ZNF492: variants seen among roughly 807,000 people sequenced by gnomAD.
The protein encoded by ZNF492 is zinc finger protein 492, also known as zinc finger protein 115 (Y20).
Under a neutral mutation model 6.4 loss-of-function variants are expected in ZNF492, and 3 were observed. The observed-to-expected ratio is 0.47, with a 90% confidence interval of 0.21 to 1.22. ZNF492 has a LOEUF of 1.22. Ranked by LOEUF, ZNF492 falls within the 50% of genes most tolerant of loss-of-function variation. The pLI, the probability that ZNF492 is intolerant of heterozygous loss-of-function variation, is 0.22. For missense variants in ZNF492, 356 were observed against 612.5 expected (o/e 0.58, Z 4.42); for synonymous variants, 112 against 205.3 (o/e 0.55, Z 3.89).
At chr19:22,636,640 TA>T (rs757336648) in intron 1 of ZNF492, among the ~76,000 whole-genome samples, 12 of 151,288 alleles carry the variant, frequency 7.9e-5, no homozygotes, top group Non-Finnish European at 1.3e-4. Flanking sequence ...TTTATTTTAT[TA>T]TTTTTTTTTT....
intron 1 of ZNF492, among the ~76,000 whole-genome samples, chr19:22,641,429 G>A (rs1176535316): frequency 2.0e-5 from 3 of 152,058 alleles, no homozygotes; most frequent in Admixed American, 6.6e-5. Flanking sequence ...TCTTTGTATT[G>A]AATTACATTT....
rs569041771 is a variant in ZNF492, at chr19:22,659,561, TACACACACACAC to T, written c.131-4219_131-4208del. On this transcript the variant is annotated intron_variant, in intron 3 of 3. Coordinates refer to ENST00000456783, the MANE Select transcript of ZNF492 (RefSeq NM_020855.3). Reference sequence around the variant, plus strand: ...ATATGTTTGGAGCCCTAATGTGAGATACACACACACACACACACACACACACACACAGAGAGA... The same window carrying T: ...ATATGTTTGGAGCCCTAATGTGAGATACACACACACACACACACAGAGAGA... 4.3e-5 allele frequency among the ~76,000 whole-genome samples: 6 copies of T among 138,792 alleles called. No homozygotes were observed. In the East Asian group the frequency reaches 6.2e-4, roughly 14 times the overall value. The allele number at this position is 138,792 out of a possible 152,430, so 91.1% of individuals were successfully genotyped here. A position where few individuals can be genotyped will look rare whatever the true frequency, so the allele number is the denominator to read the frequency against.
rs548205054 is a variant in ZNF492 at position 22,662,023 on chromosome 19, C to A, written c.131-1777C>A. 1.4e-4 allele frequency among the ~76,000 whole-genome samples: 21 copies of A among 152,084 alleles called. No homozygotes were observed. In the South Asian group the frequency reaches 4.2e-3, roughly 30 times the overall value. On this transcript the variant is annotated intron_variant, in intron 3 of 3. Coordinates refer to ENST00000456783, the MANE Select transcript of ZNF492 (RefSeq NM_020855.3). ...CTTTAAGTCCTAGGGTACATGTGCC[C>A]AGCGTGCAGTTATATTACATAGGTA... is the stretch of plus-strand genomic sequence containing the variant.
Position 22,634,342 on chromosome 19 carries a change from A to T in ZNF492, c.-226A>T. On this transcript the variant is annotated 5_prime_UTR_variant, in exon 1 of 4. Coordinates refer to ENST00000456783, the MANE Select transcript of ZNF492 (RefSeq NM_020855.3). ...TGGCGGGGTCTTTGTCTCTCGCTGC[A>T]GTCGGAGTATGGTCTAGTGTTCGCT... 1.0e-6 allele frequency: 1 copy of T among 998,458 alleles called. No individual in the cohort carries two copies. The highest frequency in any genetic ancestry group is 1.5e-6 in the Non-Finnish European group (1 of 674,628). The allele number at this position is 998,458 out of a possible 1,614,324, so 61.8% of individuals were successfully genotyped here. A position where few individuals can be genotyped will look rare whatever the true frequency, so the allele number is the denominator to read the frequency against.
Position 22,667,088 on chromosome 19 carries a change from C to T in ZNF492, c.*1823C>T, listed in dbSNP as rs1972138016. ...TACTAAAAATACAAAATTAGCCAGGCATGGTGGCGCATGCCTGTAATCCCA... is the reference window on the plus strand; with the variant it reads ...TACTAAAAATACAAAATTAGCCAGGTATGGTGGCGCATGCCTGTAATCCCA... On this transcript the variant is annotated 3_prime_UTR_variant, in exon 4 of 4. Coordinates refer to ENST00000456783, the MANE Select transcript of ZNF492 (RefSeq NM_020855.3). 1 of 152,142 alleles carries T rather than the reference C, an allele frequency of 6.6e-6. No homozygotes were observed. Among genetic ancestry groups the T allele is most frequent in the Admixed American group, 6.6e-5 (1 of 15,260 alleles). The allele number at this position is 152,142 out of a possible 1,614,324, so 9.4% of individuals were successfully genotyped here.
intron 2 of ZNF492, 96 bp downstream of exon 2, chr19:22,653,529 C>A (rs1164954883): frequency 7.6e-7 from 1 of 1,313,522 alleles, no homozygotes. Flanking sequence ...GCTTTCAGAT[C>A]TCTGTTTTTT....
intron 1 of ZNF492, among the ~76,000 whole-genome samples, chr19:22,652,171 C>T (rs60835358): frequency 0.15 from 22,173 of 149,038 alleles, 1,746 homozygotes; most frequent in East Asian, 0.17. Flanking sequence ...CTTTATTCAG[C>T]AGATGTGCAT....
intron 1 of ZNF492, among the ~76,000 whole-genome samples, chr19:22,645,110 G>T (rs1027870396): frequency 4.0e-5 from 6 of 151,614 alleles, no homozygotes; most frequent in Admixed American, 2.0e-4. Context: ...ACAGTGGCAC[G>T]ATCTCTGCTC....
At chr19:22,643,106 T>TACA (rs932764886) in intron 1 of ZNF492, among the ~76,000 whole-genome samples, 12 of 151,936 alleles carry the variant, frequency 7.9e-5, no homozygotes, top group Non-Finnish European at 1.2e-4. Flanking sequence ...CTACTAAAAA[T>TACA]ACAACAACAA....
Position 22,663,982 on chromosome 19 carries a change from T to G in ZNF492, c.313T>G (p.Leu105Val). The G allele has an allele frequency of 6.2e-7, 1 of 1,612,394 alleles. No individual in the cohort carries two copies. The highest frequency in any genetic ancestry group is 8.5e-7 in the Non-Finnish European group (1 of 1,179,112). The change falls in exon 4 of 4, where the codon TTG (leucine) becomes GTG (valine). Residue 105 changes from leucine to valine, a missense_variant. Transcript: ENST00000456783. ...KECYNGLNQCLTTTQNKIFQC... is the reference protein window; with the variant it reads ...KECYNGLNQCVTTTQNKIFQC... ...ATGTTACAATGGACTTAACCAGTGTTTGACGACTACCCAGAACAAAATATT... is the reference window on the plus strand; with the variant it reads ...ATGTTACAATGGACTTAACCAGTGTGTGACGACTACCCAGAACAAAATATT...
chr19:22,659,269 G>T (rs1972029510), intron 3 of ZNF492, among the ~76,000 whole-genome samples: 1 of 149,132 alleles, frequency 6.7e-6, no homozygotes, highest in South Asian at 2.1e-4. Flanking sequence ...AAAAAAACTG[G>T]TAAGACTTAA....
chr19:22,653,353 A>T lies in ZNF492; in HGVS notation c.-47A>T, dbSNP rs528699237. On this transcript the variant is annotated 5_prime_UTR_variant, in exon 2 of 4. Transcript: ENST00000456783. ...GTGGCCATAGAATTCTCTCTGGAGG[A>T]GTGGCAATGCCTGGACACCGCACAG... is the stretch of plus-strand genomic sequence containing the variant. The T allele has an allele frequency of 3.1e-5, 50 of 1,613,792 alleles. 1 individual carries two copies. The highest frequency in any genetic ancestry group is 4.2e-5 in the Non-Finnish European group (49 of 1,179,962).
At chr19:22,648,278 G>A (rs997040940) in intron 1 of ZNF492, among the ~76,000 whole-genome samples, 2 of 152,156 alleles carry the variant, frequency 1.3e-5, no homozygotes, top group Non-Finnish European at 2.9e-5. Flanking sequence ...TCCTAATCCC[G>A]AGTTCTAATT....
At chr19:22,644,803 C>T (rs1290895836) in intron 1 of ZNF492, among the ~76,000 whole-genome samples, 1 of 152,178 alleles carries the variant, frequency 6.6e-6, no homozygotes, top group Non-Finnish European at 1.5e-5. Flanking sequence ...GGAATCACCA[C>T]ACTGTCTTCG....
At chr19:22,661,537 A>G (rs73020703) in intron 3 of ZNF492, among the ~76,000 whole-genome samples, 29,363 of 151,942 alleles carry the variant, frequency 0.19, 3,687 homozygotes, top group African/African-American at 0.36. Flanking sequence ...ACATGTTCTT[A>G]GGATCTGCCT....
chr19:22,658,054 T>C (rs71355982), intron 3 of ZNF492, among the ~76,000 whole-genome samples: 4,281 of 152,232 alleles, frequency 0.028, 76 homozygotes, highest in East Asian at 0.075. Context: ...ATTCTGGATC[T>C]TCTTCAGTTA....
chr19:22,645,558 C>T (rs1036366749), intron 1 of ZNF492, among the ~76,000 whole-genome samples: 3 of 152,126 alleles, frequency 2.0e-5, no homozygotes, highest in African/African-American at 7.2e-5. Flanking sequence ...GGTTTAGTTG[C>T]AGTTACTTTT....
intron 1 of ZNF492, among the ~76,000 whole-genome samples, chr19:22,640,441 C>T (rs1218784758): frequency 1.3e-5 from 2 of 152,176 alleles, no homozygotes; most frequent in African/African-American, 2.4e-5. Context: ...GGATTACAGG[C>T]GTGAGCCACC....
chr19:22,641,955 G>A (rs1336379679), intron 1 of ZNF492, among the ~76,000 whole-genome samples: 3 of 151,916 alleles, frequency 2.0e-5, no homozygotes, highest in East Asian at 3.9e-4. Flanking sequence ...CACCATGCCC[G>A]GCTAATTTTT....
Sources: allele counts gnomAD v4.1 joint callset (sites outside exome capture counted in the v4.1 genomes callset), GRCh38; gene constraint gnomAD v4.1.1; transcripts MANE v1.5; gene names NCBI Gene and HGNC (gene_info 2026-07-23, HGNC 2026-07-21).